Variants in GMDS observed in about 807,000 individuals in gnomAD.
GMDS encodes GDP-mannose 4,6-dehydratase.
In GMDS, 20 loss-of-function variants were observed where a neutral mutation model predicts 49.9. The observed-to-expected ratio is 0.40, with a 90% CI of 0.28 to 0.58. The LOEUF (loss-of-function observed/expected upper bound fraction) is 0.58, where lower values mean the gene tolerates loss of function less well. Among genes scored for constraint, GMDS ranks in the 20% least tolerant of loss-of-function variants. The pLI is 0.42. For missense variants in GMDS, 362 were observed against 481.4 expected (o/e 0.75, Z 2.32); for synonymous variants, 177 against 178.6 (o/e 0.99, Z 0.07).
intron 4 of GMDS, among the ~76,000 whole-genome samples, chr6:1,966,692 C>A (rs1764278658): frequency 6.6e-6 from 1 of 152,176 alleles, no homozygotes; most frequent in African/African-American, 2.4e-5. Flanking sequence ...GGAGCAACAG[C>A]CTCTCATATG....
rs577698746 is a variant in GMDS, at chr6:1,699,376, G to A, written c.987+27040C>T. Among the ~76,000 whole-genome samples the A allele has an allele frequency of 1.8e-4, 28 of 152,254 alleles. No homozygotes were observed. In the East Asian group the frequency reaches 4.1e-3, roughly 22 times the overall value. On this transcript the variant is annotated intron_variant, in intron 9 of 10. Transcript: ENST00000380815. Reference sequence around the variant, plus strand: ...GCAGCCAGGAGGGGTCTCCAGGAGGGCCTAACTGTGGAGGTTGCTGAGAGG... The same window carrying A: ...GCAGCCAGGAGGGGTCTCCAGGAGGACCTAACTGTGGAGGTTGCTGAGAGG...
At chr6:2,177,604 C>T (rs1191106396) in intron 1 of GMDS, among the ~76,000 whole-genome samples, 3 of 152,146 alleles carry the variant, frequency 2.0e-5, no homozygotes, top group African/African-American at 7.2e-5. Flanking sequence ...ACATGATCAT[C>T]TCAATAGACA....
chr6:1,920,979 C>T (rs1761687970), intron 7 of GMDS, among the ~76,000 whole-genome samples: 1 of 152,194 alleles, frequency 6.6e-6, no homozygotes, highest in African/African-American at 2.4e-5. Flanking sequence ...ACTTCATGAT[C>T]TGCAATGGTA....
At chr6:2,051,264 T>C (rs1770379471) in intron 4 of GMDS, among the ~76,000 whole-genome samples, 2 of 152,216 alleles carry the variant, frequency 1.3e-5, no homozygotes, top group Admixed American at 6.5e-5. Context: ...TCAGGTCTCC[T>C]GTAAGAACCA....
chr6:1,858,922 A>T (rs917889985), intron 7 of GMDS, among the ~76,000 whole-genome samples: 2 of 151,906 alleles, frequency 1.3e-5, no homozygotes, highest in Non-Finnish European at 2.9e-5. Flanking sequence ...GGCAGGGTAC[A>T]TTAAAGGAGA....
chr6:1,961,239 G>A (rs1423053046), intron 4 of GMDS, among the ~76,000 whole-genome samples: 3 of 152,058 alleles, frequency 2.0e-5, no homozygotes, highest in Non-Finnish European at 4.4e-5. Flanking sequence ...CTAGGGCATG[G>A]GTTATTATAG....
At chr6:1,757,886 T>C (rs1461153467) in intron 7 of GMDS, among the ~76,000 whole-genome samples, 1 of 152,238 alleles carries the variant, frequency 6.6e-6, no homozygotes, top group Non-Finnish European at 1.5e-5. Flanking sequence ...AATTTGATGT[T>C]TCATTTAATC....
chr6:1,990,456 T>G (rs1765862417), intron 4 of GMDS, among the ~76,000 whole-genome samples: 1 of 152,222 alleles, frequency 6.6e-6, no homozygotes, highest in Non-Finnish European at 1.5e-5. Context: ...TCAGATGTTG[T>G]CTCCACTTTC....
chr6:1,942,259 CTCA>C (rs1190547186), intron 6 of GMDS, among the ~76,000 whole-genome samples: 1 of 152,190 alleles, frequency 6.6e-6, no homozygotes, highest in Non-Finnish European at 1.5e-5. Context: ...TAGTCAACTG[CTCA>C]TCAAGTCCTT....
intron 4 of GMDS, among the ~76,000 whole-genome samples, chr6:2,010,950 A>C (rs1341414027): frequency 6.6e-6 from 1 of 152,206 alleles, no homozygotes; most frequent in Admixed American, 6.5e-5. Flanking sequence ...ACAGGTGCTT[A>C]TTACAAAATC....
At chr6:1,706,538 G>A (rs1765741573) in intron 9 of GMDS, among the ~76,000 whole-genome samples, 1 of 152,196 alleles carries the variant, frequency 6.6e-6, no homozygotes, top group Non-Finnish European at 1.5e-5. Context: ...TTGTTGTAAA[G>A]TCACACATGT....
chr6:1,718,771 C>CATAT (rs532357339), intron 9 of GMDS, among the ~76,000 whole-genome samples: 1 of 148,652 alleles, frequency 6.7e-6, no homozygotes, highest in Non-Finnish European at 1.5e-5. Context: ...CATATATATA[C>CATAT]ATATATATAT....
At chr6:1,707,722 C>T (rs922963119) in intron 9 of GMDS, among the ~76,000 whole-genome samples, 4 of 151,718 alleles carry the variant, frequency 2.6e-5, no homozygotes, top group Non-Finnish European at 5.9e-5. Flanking sequence ...CTCTGCCACT[C>T]ACCCACTCTT....
intron 1 of GMDS, among the ~76,000 whole-genome samples, chr6:2,206,052 A>G (rs1163042730): frequency 6.6e-6 from 1 of 152,158 alleles, no homozygotes; most frequent in East Asian, 1.9e-4. Context: ...CAAGGTCAGG[A>G]GTTCGAGACC....
At chr6:2,079,892 G>A (rs577797741) in intron 4 of GMDS, among the ~76,000 whole-genome samples, 2 of 152,252 alleles carry the variant, frequency 1.3e-5, no homozygotes, top group African/African-American at 4.8e-5. Context: ...CAAAAAAATA[G>A]ATGAGTTTTC....
intron 1 of GMDS, among the ~76,000 whole-genome samples, chr6:2,173,788 T>C (rs1295783368): frequency 1.3e-5 from 2 of 152,334 alleles, no homozygotes; most frequent in Admixed American, 6.5e-5. Flanking sequence ...GATTATAAAA[T>C]AGATGGTTTC....
chr6:2,162,106 G>A (rs1777431882), intron 1 of GMDS, among the ~76,000 whole-genome samples: 3 of 152,176 alleles, frequency 2.0e-5, no homozygotes, highest in Admixed American at 2.0e-4. Flanking sequence ...TGCATTCATA[G>A]ACAAAAATCT....
chr6:1,678,222 G>A (rs1229553803), intron 9 of GMDS, among the ~76,000 whole-genome samples: 2 of 152,098 alleles, frequency 1.3e-5, no homozygotes, highest in Admixed American at 1.3e-4. Flanking sequence ...GGCAGGAGGA[G>A]GAGAAAAGTA....
At chr6:2,118,981 AT>A (rs2127502656) in intron 2 of GMDS, among the ~76,000 whole-genome samples, 1 of 152,290 alleles carries the variant, frequency 6.6e-6, no homozygotes, top group Non-Finnish European at 1.5e-5. Flanking sequence ...AAAAGTATAT[AT>A]TTCACATATA....
Sources: allele counts gnomAD v4.1 joint callset (sites outside exome capture counted in the v4.1 genomes callset), GRCh38; gene constraint gnomAD v4.1.1; transcripts MANE v1.5; gene names NCBI Gene and HGNC (gene_info 2026-07-23, HGNC 2026-07-21).